RC3H1: variants seen among roughly 807,000 people sequenced by gnomAD.
RC3H1 encodes roquin-1.
A neutral mutation model predicts 138.2 loss-of-function variants in RC3H1; 50 were observed. The ratio of observed to expected loss-of-function variants is 0.36; its 90% CI spans 0.29 to 0.46. RC3H1 has a LOEUF of 0.46. RC3H1 is among the 20% of genes least tolerant of loss of function. RC3H1 has a pLI of 1.00. For synonymous variants in RC3H1, 462 were observed against 489.1 expected, an observed-to-expected ratio of 0.94 and a Z score of 0.73; for missense variants, 1,031 against 1,388.1, an observed-to-expected ratio of 0.74 and a Z score of 4.09.
At chr1:173,939,050 AT>A (rs960073436) in intron 19 of RC3H1, among the ~76,000 whole-genome samples, 179 bp from the exon 20 acceptor site, 11 of 149,608 alleles carry the variant, frequency 7.4e-5, no homozygotes, top group South Asian at 2.1e-4. Context: ...CCAGGTGCGT[AT>A]TTTTTTTTTC....
In RC3H1 at chr1:173,946,709, T is replaced by G. The variant is rs375165415; in HGVS notation, c.2828+37A>C. 146 of 1,600,734 alleles carry G rather than the reference T, an allele frequency of 9.1e-5. No individual in the cohort carries two copies. The African/African-American group carries it at 1.8e-3, about 20-fold the overall frequency. Reference sequence around the variant, plus strand: ...AAGAAGTTGCCTAATTTTAAAGGTTTCTACATGTTTGTTCAAGTAAAAAGA... The same window carrying G: ...AAGAAGTTGCCTAATTTTAAAGGTTGCTACATGTTTGTTCAAGTAAAAAGA... On this transcript the variant is annotated intron_variant, in intron 16 of 19. Transcript: ENST00000367696.
intron 2 of RC3H1, among the ~76,000 whole-genome samples, chr1:173,992,277 T>C (rs1661321377): frequency 6.6e-6 from 1 of 152,142 alleles, no homozygotes; most frequent in South Asian, 2.1e-4. Context: ...CCCAAGTAGC[T>C]GGGATTACAG....
rs1658483301 is a variant in RC3H1 at position 173,933,997 on chromosome 1, T to TA, written c.*4723dup. 6.6e-6 allele frequency: 1 copy of TA among 152,178 alleles called. No individual in the cohort carries two copies. The highest frequency in any genetic ancestry group is 2.1e-4 in the South Asian group (1 of 4,834). 9.4% of individuals were successfully genotyped at this position (152,178 alleles called of 1,614,324 possible). A position where few individuals can be genotyped will look rare whatever the true frequency, so the allele number is the denominator to read the frequency against. On this transcript the variant is annotated 3_prime_UTR_variant, in exon 20 of 20. Coordinates refer to ENST00000367696, the MANE Select transcript of RC3H1 (RefSeq NM_172071.4). ...TGCAGTTAATTTCCAGGTAGGTTAT[T>TA]AATCTCTCCTAAAAAGTAACTGGGC...
In RC3H1 at chr1:173,957,662, G is replaced by A. The variant is rs6658688; in HGVS notation, c.2370+3415C>T. Among the ~76,000 whole-genome samples, 4 of 152,062 alleles carry A rather than the reference G, an allele frequency of 2.6e-5. No homozygotes were observed. The East Asian group carries it at 5.8e-4, about 22-fold the overall frequency. ...CCTCCCAGGTTCAAGCGATCCTCTC[G>A]ATCTTCCCACCTCAGCCTCCCAAGT... On this transcript the variant is annotated intron_variant, in intron 13 of 19. Transcript: ENST00000367696.
intron 1 of RC3H1, among the ~76,000 whole-genome samples, chr1:174,017,804 A>AC (rs1339061945): frequency 1.4e-4 from 21 of 145,138 alleles, no homozygotes; most frequent in South Asian, 2.2e-4. Flanking sequence ...AAAAAAAAAA[A>AC]AAAAAACTGC....
intron 4 of RC3H1, 21 bp from the exon 5 acceptor site, chr1:173,982,923 C>T (rs1557942185): frequency 1.9e-6 from 3 of 1,593,006 alleles, no homozygotes; most frequent in East Asian, 2.3e-5. Context: ...TTGGGCAAAA[C>T]CAAAATTTAT....
intron 9 of RC3H1, among the ~76,000 whole-genome samples, chr1:173,969,891 A>C (rs1334617469): frequency 6.6e-6 from 1 of 152,008 alleles, no homozygotes; most frequent in Non-Finnish European, 1.5e-5. Flanking sequence ...TAGTTAAATT[A>C]AGTTAAAATT....
rs943303992 is a variant in RC3H1 at position 174,021,851 on chromosome 1, T to C, written c.-151+245A>G. Among the ~76,000 whole-genome samples the C allele has an allele frequency of 3.9e-5, 6 of 152,280 alleles. No individual in the cohort carries two copies. In the South Asian group the frequency reaches 1.0e-3, roughly 26 times the overall value. On this transcript the variant is annotated intron_variant, in intron 1 of 19. Transcript: ENST00000367696. ...CCCTTCGTCCTCCTCTCGGCCTACC[T>C]ACCCCGACAGGCCCTACAGGCGGCA...
At chr1:173,987,204 G>A (rs1236401513) in intron 2 of RC3H1, among the ~76,000 whole-genome samples, 1 of 152,164 alleles carries the variant, frequency 6.6e-6, no homozygotes. Flanking sequence ...CTTTTTGGAA[G>A]GAGTCACTAT....
In RC3H1 at chr1:173,961,079, C is replaced by T. The variant is rs184799841; in HGVS notation, c.2368G>A (p.Glu790Lys). ...PTLPPTFHPE[E>K]FLDEDLKVAG... ...GAGACTAAAAATGATTTGCTTACTT[C>T]TTCCGGATGAAAGGTAGGAGGCAAG... Residue 790 changes from glutamate (E) to lysine (K), a missense_variant and splice_region_variant, in exon 13 of 20, where the codon GAA (glutamate) becomes AAA (lysine). By Grantham distance (56) the Glu-to-Lys change is moderately conservative. Coordinates refer to ENST00000367696, the MANE Select transcript of RC3H1 (RefSeq NM_172071.4). 6.2e-7 allele frequency: 1 copy of T among 1,612,116 alleles called. No individual in the cohort carries two copies. Among genetic ancestry groups the T allele is most frequent in the Non-Finnish European group, 8.5e-7 (1 of 1,179,264 alleles).
chr1:173,980,761 C>T, intron 6 of RC3H1, 48 bp downstream of exon 6: 1 of 1,451,324 alleles, frequency 6.9e-7, no homozygotes, highest in Non-Finnish European at 9.6e-7. Flanking sequence ...AATGAATTAC[C>T]AAAATGCCAA....
chr1:174,005,030 T>C lies in RC3H1; in HGVS notation c.-150-11895A>G, dbSNP rs565021937. Among the ~76,000 whole-genome samples, 5 of 152,244 alleles carry C rather than the reference T, an allele frequency of 3.3e-5. No individual in the cohort carries two copies. In the South Asian group the frequency reaches 1.0e-3, roughly 32 times the overall value. On this transcript the variant is annotated intron_variant, in intron 1 of 19. Transcript: ENST00000367696. ...ACAGCTTCCTAAGTATTAAAAACCA[T>C]AGAGAAAATAGTGACATGGGGTTTA... is the stretch of plus-strand genomic sequence containing the variant.
chr1:173,961,751 T>A lies in RC3H1; in HGVS notation c.2176A>T (p.Thr726Ser), dbSNP rs1003338807. ...CTGAGGTACGAAGGTCTGATCTGAG[T>A]TGGATGAGGAGCCACTGGATAGTAA... ...ESYYPVAPHP[T>S]QIRPSYLREP... Residue 726 changes from threonine (T) to serine (S), a missense_variant, in exon 12 of 20, where the codon ACT becomes TCT. Physicochemically the swap from Thr to Ser is moderately conservative, Grantham distance 58. Around this residue, in one of 7 missense-constraint regions of RC3H1, gnomAD observed 716 missense variants for 837.9 expected, o/e 0.85. Transcript: ENST00000367696. 2 of 1,612,414 alleles carry A rather than the reference T, an allele frequency of 1.2e-6. No individual in the cohort carries two copies. The highest frequency in any genetic ancestry group is 2.7e-5 in the African/African-American group (2 of 74,826).
At position 174,021,669 on chromosome 1, in the gene RC3H1, G is replaced by A. The variant is rs190335810; in HGVS notation, c.-151+427C>T. On this transcript the variant is annotated intron_variant, in intron 1 of 19. Coordinates refer to ENST00000367696, the MANE Select transcript of RC3H1 (RefSeq NM_172071.4). ...AGCAGCCCTGAGGTGCTGGGAGGCC[G>A]AGGCGGCGCCTGTTTACAGACGCCT... 4.1e-3 allele frequency among the ~76,000 whole-genome samples: 625 copies of A among 152,224 alleles called. 4 individuals carry two copies. The highest frequency in any genetic ancestry group is 4.3e-3 in the South Asian group (21 of 4,828).
chr1:173,991,535 T>C (rs1342882202), intron 2 of RC3H1, among the ~76,000 whole-genome samples: 2 of 152,322 alleles, frequency 1.3e-5, no homozygotes, highest in East Asian at 1.9e-4. Context: ...GTGGAGATCC[T>C]TGACTTGTTC....
At position 174,022,279 on chromosome 1, in the gene RC3H1, G is replaced by A. The variant is rs1352643664; in HGVS notation, c.-334C>T. The A allele has an allele frequency of 2.1e-5, 8 of 388,212 alleles. No homozygotes were observed. Among genetic ancestry groups the A allele is most frequent in the Non-Finnish European group, 3.2e-5 (7 of 219,876 alleles). 24.0% of individuals were successfully genotyped at this position (388,212 alleles called of 1,614,324 possible). A position where few individuals can be genotyped will look rare whatever the true frequency, so the allele number is the denominator to read the frequency against. On this transcript the variant is annotated 5_prime_UTR_variant, in exon 1 of 20. Coordinates refer to ENST00000367696, the MANE Select transcript of RC3H1 (RefSeq NM_172071.4). This position sits in a 1 kb window ranked among gnomAD's most constrained non-coding sequence, Gnocchi z 4.2. ...CCTCCCACCTGCTGCTGCTGAGGCT[G>A]CTCCTGCAGCAGGGGCCATCTTGTT... is the stretch of plus-strand genomic sequence containing the variant.
intron 5 of RC3H1, 57 bp from the exon 6 acceptor site, chr1:173,981,066 A>G (rs533777759): frequency 1.4e-6 from 2 of 1,427,714 alleles, no homozygotes; most frequent in African/African-American, 1.4e-5. Flanking sequence ...TATGCTTTAT[A>G]TGAACATATA....
At chr1:173,991,618 T>G (rs776230145) in intron 2 of RC3H1, among the ~76,000 whole-genome samples, 2 of 152,188 alleles carry the variant, frequency 1.3e-5, no homozygotes, top group African/African-American at 2.4e-5. Flanking sequence ...TCCATGTCCT[T>G]TGGGTTGAAG....
At chr1:174,018,149 C>G (rs1197895514) in intron 1 of RC3H1, among the ~76,000 whole-genome samples, 3 of 152,200 alleles carry the variant, frequency 2.0e-5, no homozygotes, top group East Asian at 3.9e-4. Flanking sequence ...TGCACTCCAG[C>G]CTGGGTGACA....
Sources: gnomAD v4.1 joint callset for allele counts (sites outside exome capture counted in the v4.1 genomes callset) on GRCh38, gnomAD v4.1.1 for gene constraint, gnomAD v4.1.1 regional missense constraint, Gnocchi (gnomAD v3.1) non-coding constraint, MANE v1.5 for transcripts, NCBI Gene and HGNC (gene_info 2026-07-23, HGNC 2026-07-21) for gene names.